The following USP37 variants were observed in gnomAD, a reference collection of about 807,000 sequenced individuals.
The protein encoded by USP37 is ubiquitin specific peptidase 37, also known as ubiquitin carboxyl-terminal hydrolase 37.
Under a neutral mutation model 124.0 loss-of-function variants are expected in USP37, and 27 were observed. That is an observed-to-expected ratio of 0.22 (90% CI 0.16 to 0.30). The LOEUF is 0.30. USP37 is among the 10% of genes least tolerant of loss of function. The pLI is 1.00. For missense variants in USP37, 889 were observed against 1,140.4 expected (o/e 0.78, Z 3.17); for synonymous variants, 365 against 388.0 (o/e 0.94, Z 0.70).
intron 18 of USP37, among the ~76,000 whole-genome samples, chr2:218,479,093 A>T (rs1031018290): frequency 2.0e-5 from 3 of 152,236 alleles, no homozygotes; most frequent in Non-Finnish European, 1.5e-5. Flanking sequence ...AAATATATTT[A>T]AAAAGCAAAC....
intron 8 of USP37, 150 bp from the exon 9 acceptor site, chr2:218,534,856 G>A: frequency 2.4e-6 from 1 of 423,138 alleles, no homozygotes; most frequent in South Asian, 6.9e-5. Flanking sequence ...AGTCTCAAAA[G>A]GTCAATGACT....
chr2:218,477,933 G>C (rs894171082), intron 18 of USP37, among the ~76,000 whole-genome samples: 5 of 152,142 alleles, frequency 3.3e-5, no homozygotes, highest in Non-Finnish European at 7.3e-5. Context: ...TTACTGTGTT[G>C]TCTTCTAGGT....
intron 8 of USP37, among the ~76,000 whole-genome samples, chr2:218,544,459 A>AGAGAGAGAGAGAGAGAGAGAGAGAGG (rs1457872657): frequency 7.0e-6 from 1 of 143,306 alleles, no homozygotes; most frequent in African/African-American, 2.6e-5. Flanking sequence ...AGAGAGAGAG[A>AGAGAGAGAGAGAGAGAGAGAGAGAGG]GACCCCAATT....
intron 8 of USP37, among the ~76,000 whole-genome samples, chr2:218,537,155 G>A (rs929711597): frequency 7.9e-5 from 12 of 152,108 alleles, no homozygotes; most frequent in Non-Finnish European, 1.3e-4. Context: ...TTAAAATGTC[G>A]CAAATTATTT....
chr2:218,553,590 C>A lies in USP37; in HGVS notation c.291G>T (p.Leu97Phe). The change falls in exon 5 of 26, where the codon TTG (leucine) becomes TTT (phenylalanine). Residue 97 changes from leucine to phenylalanine, a missense_variant. This residue lies in a region of USP37 where 374 missense variants were observed against 386.0 expected (regional missense o/e 0.97). Transcript: ENST00000258399. ...VPSKDAEEMRLFLDAVHQNRL... is the reference protein window; with the variant it reads ...VPSKDAEEMRFFLDAVHQNRL... ...TGTTTTGATGGACTGCATCTAGAAA[C>A]AACCTCATTTCCTCTGCATCCTTAC... 6.2e-7 allele frequency: 1 copy of A among 1,613,794 alleles called. No homozygotes were observed. Among genetic ancestry groups the A allele is most frequent in the Non-Finnish European group, 8.5e-7 (1 of 1,179,832 alleles).
chr2:218,465,983 G>GA (rs1690295365), intron 21 of USP37, 27 bp downstream of exon 21: 2 of 1,597,692 alleles, frequency 1.3e-6, no homozygotes, highest in Non-Finnish European at 1.7e-6. Flanking sequence ...TAAGTACAGA[G>GA]AAAGTAGCAA....
chr2:218,475,029 T>C (rs1468479279), intron 19 of USP37, 144 bp from the exon 20 acceptor site: 3 of 689,676 alleles, frequency 4.3e-6, no homozygotes, highest in Non-Finnish European at 6.7e-6. Context: ...AACCAATATA[T>C]AAACTAAATG....
intron 10 of USP37, among the ~76,000 whole-genome samples, chr2:218,515,375 G>C (rs1379338330): frequency 5.3e-5 from 8 of 152,106 alleles, no homozygotes; most frequent in Admixed American, 3.3e-4. Flanking sequence ...CAGAACAGAG[G>C]CCTCAGAAAT....
chr2:218,459,739 G>A, intron 23 of USP37, 51 bp downstream of exon 23: 1 of 1,514,288 alleles, frequency 6.6e-7, no homozygotes, highest in Non-Finnish European at 9.1e-7. Flanking sequence ...TAAAGAGTGG[G>A]AAGAGTGACA....
At chr2:218,534,843 G>A (rs1691531498) in intron 8 of USP37, 137 bp from the exon 9 acceptor site, 1 of 453,306 alleles carries the variant, frequency 2.2e-6, no homozygotes, top group South Asian at 6.4e-5. Context: ...CTACAAGATT[G>A]TTAGTCTCAA....
At chr2:218,545,926 A>C (rs1692296739) in intron 8 of USP37, among the ~76,000 whole-genome samples, 1 of 152,214 alleles carries the variant, frequency 6.6e-6, no homozygotes, top group South Asian at 2.1e-4. Context: ...CTAAAACAGC[A>C]GCCAGCAAGA....
Position 218,521,994 on chromosome 2 carries a change from C to T in USP37, c.863+7962G>A, listed in dbSNP as rs576970521. Among the ~76,000 whole-genome samples the T allele has an allele frequency of 4.6e-5, 7 of 151,740 alleles. No individual in the cohort carries two copies. In the South Asian group the frequency reaches 1.5e-3, roughly 32 times the overall value. On this transcript the variant is annotated intron_variant, in intron 10 of 25. Coordinates refer to ENST00000258399, the MANE Select transcript of USP37 (RefSeq NM_020935.3). ...GGCTCAAGCGATTCTCCTACCTTAGCCTCTTGAGTAGCTGGGGCTACAAGT... is the reference window on the plus strand; with the variant it reads ...GGCTCAAGCGATTCTCCTACCTTAGTCTCTTGAGTAGCTGGGGCTACAAGT...
intron 11 of USP37, among the ~76,000 whole-genome samples, chr2:218,500,048 C>T (rs1015030277): frequency 5.3e-5 from 8 of 152,004 alleles, no homozygotes; most frequent in African/African-American, 1.7e-4. Flanking sequence ...GGATTACAGG[C>T]GTGAGCCACT....
In USP37 at chr2:218,495,771, G is replaced by A. The variant is rs1488709324; in HGVS notation, c.1461C>T (p.Ile487=). The change falls in exon 14 of 26, where the codon ATC becomes ATT. Residue 487 remains isoleucine, a synonymous_variant. Coordinates refer to ENST00000258399, the MANE Select transcript of USP37 (RefSeq NM_020935.3). ...TAGACACTACTTACGCTTTACAAATGATGGAGTGCTGAACCTCAAACTCCA... is the reference window on the plus strand; with the variant it reads ...TAGACACTACTTACGCTTTACAAATAATGGAGTGCTGAACCTCAAACTCCA... The part of the protein sequence containing the change: ...TNLEFEVQHS[I]ICKACGEIIP... 1.2e-6 allele frequency: 2 copies of A among 1,609,110 alleles called. No individual in the cohort carries two copies. The highest frequency in any genetic ancestry group is 2.7e-5 in the African/African-American group (2 of 74,548).
chr2:218,544,420 T>TAGAGAGAGAGAG (rs1202551075), intron 8 of USP37, among the ~76,000 whole-genome samples: 1 of 53,330 alleles, frequency 1.9e-5, no homozygotes, highest in Admixed American at 2.3e-4. Context: ...TATATATATA[T>TAGAGAGAGAGAG]ATATATATAT....
intron 4 of USP37, among the ~76,000 whole-genome samples, chr2:218,556,982 C>T (rs987725674): frequency 1.3e-5 from 2 of 152,214 alleles, no homozygotes. Context: ...CCCACCTCAA[C>T]CTTATAAGTA....
chr2:218,452,790 C>A lies in USP37; in HGVS notation c.*2140G>T, dbSNP rs1689521619. 6.6e-6 allele frequency: 1 copy of A among 152,136 alleles called. No individual in the cohort carries two copies. Among genetic ancestry groups the A allele is most frequent in the African/African-American group, 2.4e-5 (1 of 41,432 alleles). The allele number at this position is 152,136 out of a possible 1,614,324, so 9.4% of individuals were successfully genotyped here. A position where few individuals can be genotyped will look rare whatever the true frequency, so the allele number is the denominator to read the frequency against. On this transcript the variant is annotated 3_prime_UTR_variant, in exon 26 of 26. Coordinates refer to ENST00000258399, the MANE Select transcript of USP37 (RefSeq NM_020935.3). Reference sequence around the variant, plus strand: ...TTTAATTGCAGCCTGCACTTTAAATCTTTCCCAATAATTTTTAACAGTGCC... The same window carrying A: ...TTTAATTGCAGCCTGCACTTTAAATATTTCCCAATAATTTTTAACAGTGCC...
intron 13 of USP37, among the ~76,000 whole-genome samples, chr2:218,497,289 T>G (rs1574885324): frequency 6.6e-6 from 1 of 151,890 alleles, no homozygotes; most frequent in African/African-American, 2.4e-5. Context: ...GCCAGGCTGG[T>G]CTCAAACTCC....
chr2:218,487,636 A>C (rs887311594), intron 15 of USP37, among the ~76,000 whole-genome samples: 3 of 151,800 alleles, frequency 2.0e-5, no homozygotes, highest in African/African-American at 7.3e-5. Flanking sequence ...GGCCAGGATG[A>C]TCTTGATCTC....
Sources: gnomAD v4.1 joint callset for allele counts (sites outside exome capture counted in the v4.1 genomes callset) on GRCh38, gnomAD v4.1.1 for gene constraint, gnomAD v4.1.1 regional missense constraint, MANE v1.5 for transcripts, NCBI Gene and HGNC (gene_info 2026-07-23, HGNC 2026-07-21) for gene names.